Variants in GCLC observed in about 807,000 individuals in gnomAD.
GCLC encodes glutamate--cysteine ligase catalytic subunit.
Under a neutral mutation model 81.5 loss-of-function variants are expected in GCLC, and 30 were observed. That is an observed-to-expected ratio of 0.37 (90% CI 0.28 to 0.50). GCLC has a LOEUF of 0.50. Among genes scored for constraint, GCLC ranks in the 20% least tolerant of loss-of-function variants. The pLI is 0.96. For synonymous variants in GCLC, 262 were observed against 273.3 expected, an observed-to-expected ratio of 0.96 and a Z score of 0.41; for missense variants, 556 against 777.4, an observed-to-expected ratio of 0.72 and a Z score of 3.39.
In GCLC at chr6:53,530,752, T is replaced by C. The variant is rs191077815; in HGVS notation, c.151-8225A>G. On this transcript the variant is annotated intron_variant, in intron 1 of 15. Transcript: ENST00000650454. ...TTCACTAGAAGAGAATTACCTGCTA[T>C]GGGGTACCAAAAAATGCTTAAGCGT... 2.9e-3 allele frequency among the ~76,000 whole-genome samples: 441 copies of C among 152,292 alleles called. 1 individual carries two copies. Among genetic ancestry groups the C allele is most frequent in the African/African-American group, 9.5e-3 (396 of 41,558 alleles).
chr6:53,527,222 T>C (rs546235037), intron 1 of GCLC, among the ~76,000 whole-genome samples: 1 of 152,202 alleles, frequency 6.6e-6, no homozygotes, highest in South Asian at 2.1e-4. Context: ...CCAGGTAGAG[T>C]ATGCGTGCAG....
intron 15 of GCLC, among the ~76,000 whole-genome samples, chr6:53,499,304 T>G (rs532532502): frequency 6.6e-6 from 1 of 152,300 alleles, no homozygotes; most frequent in South Asian, 2.1e-4. Context: ...GCCAGAGGGC[T>G]AGGACTACAA....
intron 6 of GCLC, 90 bp from the exon 7 acceptor site, chr6:53,509,340 G>C (rs761339592): frequency 2.4e-5 from 19 of 806,576 alleles, no homozygotes; most frequent in Non-Finnish European, 4.2e-5. Context: ...GCTGGGCAGA[G>C]AGGGGCAAGT....
chr6:53,515,035 T>C (rs1764839393), intron 4 of GCLC, among the ~76,000 whole-genome samples: 1 of 152,172 alleles, frequency 6.6e-6, no homozygotes, highest in Non-Finnish European at 1.5e-5. Context: ...AACATGCACA[T>C]GCTGTGAGAG....
intron 1 of GCLC, 60 bp from the exon 2 acceptor site, chr6:53,522,587 T>C (rs1763017677): frequency 9.4e-7 from 1 of 1,059,152 alleles, no homozygotes. Context: ...CAGTGTGGCC[T>C]CCAGAAGAAA....
intron 1 of GCLC, among the ~76,000 whole-genome samples, chr6:53,528,343 T>A (rs1413481443): frequency 6.6e-6 from 1 of 152,202 alleles, no homozygotes; most frequent in African/African-American, 2.4e-5. Flanking sequence ...TTTGACATGG[T>A]AATCTCCAAG....
intron 6 of GCLC, among the ~76,000 whole-genome samples, chr6:53,512,191 C>T (rs1462108921): frequency 6.6e-6 from 1 of 151,860 alleles, no homozygotes; most frequent in Non-Finnish European, 1.5e-5. Flanking sequence ...GTGATCTGCC[C>T]ATCTCAGCCT....
intron 3 of GCLC, among the ~76,000 whole-genome samples, chr6:53,516,898 A>C (rs1764884329): frequency 6.6e-6 from 1 of 152,104 alleles, no homozygotes; most frequent in Non-Finnish European, 1.5e-5. Flanking sequence ...TAAAGCTCAA[A>C]TTCTACATCA....
chr6:53,514,077 G>A, intron 6 of GCLC, 127 bp downstream of exon 6: 1 of 847,808 alleles, frequency 1.2e-6, no homozygotes, highest in Non-Finnish European at 2.0e-6. Context: ...TTTTCAGAAA[G>A]GCATACCAGC....
At chr6:53,535,470 C>T (rs1443465437) in intron 1 of GCLC, among the ~76,000 whole-genome samples, 1 of 151,846 alleles carries the variant, frequency 6.6e-6, no homozygotes, top group Non-Finnish European at 1.5e-5. Flanking sequence ...GCTGAGATTG[C>T]ACCGCTGCAC....
chr6:53,511,463 G>T (rs1041575130), intron 6 of GCLC, among the ~76,000 whole-genome samples: 2 of 152,050 alleles, frequency 1.3e-5, no homozygotes, highest in African/African-American at 2.4e-5. Flanking sequence ...TGAGAAGCAG[G>T]TTTTCTTTCC....
intron 1 of GCLC, among the ~76,000 whole-genome samples, chr6:53,529,993 T>C (rs979186598): frequency 6.6e-6 from 1 of 152,248 alleles, no homozygotes; most frequent in African/African-American, 2.4e-5. Flanking sequence ...CTAAGGCATG[T>C]TATAAATTAG....
At chr6:53,534,599 T>G (rs924521775) in intron 1 of GCLC, among the ~76,000 whole-genome samples, 1 of 151,920 alleles carries the variant, frequency 6.6e-6, no homozygotes, top group East Asian at 1.9e-4. Flanking sequence ...GGCCCTACAA[T>G]TGCCCCCACT....
intron 1 of GCLC, among the ~76,000 whole-genome samples, chr6:53,528,179 C>G (rs1314236248): frequency 1.3e-5 from 2 of 152,098 alleles, no homozygotes; most frequent in Admixed American, 6.5e-5. Flanking sequence ...ACCTGACTGA[C>G]AAGACTAAAA....
chr6:53,540,699 A>G (rs1015376604), intron 1 of GCLC, among the ~76,000 whole-genome samples: 3 of 151,216 alleles, frequency 2.0e-5, no homozygotes, highest in African/African-American at 7.4e-5. Flanking sequence ...ACACACACAC[A>G]CACACAAAAG....
At position 53,497,615 on chromosome 6, in the gene GCLC, A is replaced by C. The variant is rs1764395075; in HGVS notation, c.*1141T>G. On this transcript the variant is annotated 3_prime_UTR_variant, in exon 16 of 16. Transcript: ENST00000650454. ...AAGATCTGCATAATCTACAATACAG[A>C]GTTATTTCAGAAGCAGTTGACTTAA... is the stretch of plus-strand genomic sequence containing the variant. 1 of 152,138 alleles carries C rather than the reference A, an allele frequency of 6.6e-6. No individual in the cohort carries two copies. The highest frequency in any genetic ancestry group is 2.4e-5 in the African/African-American group (1 of 41,234). The allele number at this position is 152,138 out of a possible 1,614,324, so 9.4% of individuals were successfully genotyped here. A position where few individuals can be genotyped will look rare whatever the true frequency, so the allele number is the denominator to read the frequency against.
intron 1 of GCLC, 61 bp downstream of exon 1, chr6:53,544,434 CA>C: frequency 6.4e-7 from 1 of 1,573,496 alleles, no homozygotes; most frequent in Non-Finnish European, 8.6e-7. Context: ...TAGGGCAAGA[CA>C]AAGGCAGCGC....
At chr6:53,542,558 G>C (rs1287991216) in intron 1 of GCLC, among the ~76,000 whole-genome samples, 1 of 149,892 alleles carries the variant, frequency 6.7e-6, no homozygotes, top group East Asian at 2.0e-4. Flanking sequence ...CACCAAATGG[G>C]ACAAAGATGG....
Position 53,545,022 on chromosome 6 carries a change from T to A in GCLC, c.-377A>T, listed in dbSNP as rs1763429123. ...GCTTCTCTTTGCCGGTCTGGTGCAC[T>A]GGCTTCTTCCTACTTGTGACCAAAA... is the stretch of plus-strand genomic sequence containing the variant. On this transcript the variant is annotated 5_prime_UTR_variant, in exon 1 of 16. Transcript: ENST00000650454. 1 of 167,142 alleles carries A rather than the reference T, an allele frequency of 6.0e-6. No homozygotes were observed. The highest frequency in any genetic ancestry group is 1.9e-4 in the South Asian group (1 of 5,186). 10.4% of individuals were successfully genotyped at this position (167,142 alleles called of 1,614,324 possible).
Sources: allele counts gnomAD v4.1 joint callset (sites outside exome capture counted in the v4.1 genomes callset), GRCh38; gene constraint gnomAD v4.1.1; transcripts MANE v1.5; gene names NCBI Gene and HGNC (gene_info 2026-07-23, HGNC 2026-07-21).